Variants in EPHA6 observed in about 807,000 individuals in gnomAD.
EPHA6 encodes the protein EPH receptor A6, also known as ephrin type-A receptor 6.
A neutral mutation model predicts 112.0 loss-of-function variants in EPHA6; 50 were observed. The ratio of observed to expected loss-of-function variants is 0.45; its 90% CI spans 0.36 to 0.56. The LOEUF is 0.56. Ranked by LOEUF, EPHA6 falls within the 20% of genes least tolerant of loss-of-function variation. The probability of loss-of-function intolerance (pLI) is 0.00; values close to 1 mark genes in which losing one functional copy is unlikely to be tolerated. For missense variants in EPHA6, 1,280 were observed against 1,417.4 expected, an observed-to-expected ratio of 0.90 and a Z score of 1.56; for synonymous variants, 529 against 490.7, an observed-to-expected ratio of 1.08 and a Z score of -1.03.
At chr3:97,447,756 T>G in intron 6 of EPHA6, 1 of 1,013,502 alleles carries the variant, frequency 9.9e-7, no homozygotes, top group South Asian at 4.6e-5. Context: ...TTCCATTTAG[T>G]GAAGTGAGAT....
chr3:97,154,677 T>G (rs530929452), intron 3 of EPHA6, among the ~76,000 whole-genome samples: 1 of 152,188 alleles, frequency 6.6e-6, no homozygotes, highest in South Asian at 2.1e-4. Flanking sequence ...GCTATAACAT[T>G]TATAGTACAA....
At chr3:97,695,856 C>T (rs781252046) in intron 14 of EPHA6, among the ~76,000 whole-genome samples, 2 of 152,122 alleles carry the variant, frequency 1.3e-5, no homozygotes, top group South Asian at 2.1e-4. Flanking sequence ...CACTTTATAA[C>T]GATATGCATT....
intron 4 of EPHA6, among the ~76,000 whole-genome samples, chr3:97,239,609 CTATT>C (rs1265356925): frequency 7.2e-5 from 11 of 151,852 alleles, no homozygotes; most frequent in Admixed American, 7.2e-4. Flanking sequence ...AATGTATTCA[CTATT>C]TATTAAGTGA....
chr3:97,478,591 A>G (rs925245837), intron 8 of EPHA6, among the ~76,000 whole-genome samples: 1 of 143,026 alleles, frequency 7.0e-6, no homozygotes, highest in African/African-American at 2.9e-5. Flanking sequence ...TAAAATAGAA[A>G]AAAAAATATT....
At chr3:97,671,474 T>C (rs1259906290) in intron 14 of EPHA6, among the ~76,000 whole-genome samples, 1 of 152,152 alleles carries the variant, frequency 6.6e-6, no homozygotes, top group East Asian at 1.9e-4. Flanking sequence ...GTTGGGTCTT[T>C]TGTTTGGTTG....
chr3:97,568,092 G>T (rs1332642028), intron 11 of EPHA6, among the ~76,000 whole-genome samples: 3 of 152,194 alleles, frequency 2.0e-5, no homozygotes, highest in Non-Finnish European at 4.4e-5. Context: ...ACGTATCAAA[G>T]ACTTGCTGTA....
At chr3:97,049,237 C>T (rs1469590988) in intron 3 of EPHA6, among the ~76,000 whole-genome samples, 1 of 152,118 alleles carries the variant, frequency 6.6e-6, no homozygotes, top group Non-Finnish European at 1.5e-5. Flanking sequence ...GTGTTATGGT[C>T]TGACTTGTTT....
chr3:97,052,985 G>A (rs926254750), intron 3 of EPHA6, among the ~76,000 whole-genome samples: 2 of 151,966 alleles, frequency 1.3e-5, no homozygotes, highest in Admixed American at 6.6e-5. Context: ...CAAGAGGTGA[G>A]GTATATATAA....
chr3:97,586,822 A>G (rs2093493800), intron 11 of EPHA6, among the ~76,000 whole-genome samples: 1 of 152,224 alleles, frequency 6.6e-6, no homozygotes, highest in Non-Finnish European at 1.5e-5. Flanking sequence ...ATTAGGTTCA[A>G]TAGACTAGTT....
At chr3:96,850,159 G>A (rs1488755447) in intron 1 of EPHA6, among the ~76,000 whole-genome samples, 1 of 152,068 alleles carries the variant, frequency 6.6e-6, no homozygotes, top group Non-Finnish European at 1.5e-5. Flanking sequence ...AAGGAGCTGT[G>A]GTTTGGAGTG....
At chr3:97,282,378 G>A (rs1224333759) in intron 5 of EPHA6, among the ~76,000 whole-genome samples, 4 of 152,068 alleles carry the variant, frequency 2.6e-5, no homozygotes, top group African/African-American at 9.7e-5. Context: ...ATGCTTTTAC[G>A]CTGTTGGTGG....
At chr3:97,187,721 G>GA (rs1041992703) in intron 3 of EPHA6, among the ~76,000 whole-genome samples, 3 of 147,750 alleles carry the variant, frequency 2.0e-5, no homozygotes, top group East Asian at 2.0e-4. Flanking sequence ...AAGAAAGAAA[G>GA]AAAGAAAGAA....
rs78366919 is a variant in EPHA6, at chr3:96,847,407, A to C, written c.386-19418A>C. Among the ~76,000 whole-genome samples the C allele has an allele frequency of 8.6e-3, 1,305 of 152,174 alleles. 15 individuals carry two copies. Among genetic ancestry groups the C allele is most frequent in the African/African-American group, 0.03 (1,245 of 41,566 alleles). On this transcript the variant is annotated intron_variant, in intron 1 of 17. Transcript: ENST00000389672. ...CACGTTCATTTTTTTTTCTATTCCA[A>C]AATGGTAGGATGATCCAAAGAGAAC... is the stretch of plus-strand genomic sequence containing the variant.
intron 3 of EPHA6, among the ~76,000 whole-genome samples, chr3:97,099,025 A>G (rs909115711): frequency 6.6e-6 from 1 of 151,950 alleles, no homozygotes; most frequent in Non-Finnish European, 1.5e-5. Flanking sequence ...AGGCTGTATA[A>G]TAATAAAAAC....
intron 2 of EPHA6, among the ~76,000 whole-genome samples, chr3:96,937,578 T>G (rs1045265120): frequency 6.6e-6 from 1 of 152,206 alleles, no homozygotes; most frequent in African/African-American, 2.4e-5. Flanking sequence ...CTGATGGTAG[T>G]TTCTTTTGCT....
At chr3:96,915,182 A>C (rs552391551) in intron 2 of EPHA6, among the ~76,000 whole-genome samples, 115 of 152,018 alleles carry the variant, frequency 7.6e-4, no homozygotes, top group African/African-American at 2.5e-3. Flanking sequence ...GTAAATGGCA[A>C]AGAACATTTA....
At chr3:97,325,422 A>G (rs1026506031) in intron 5 of EPHA6, among the ~76,000 whole-genome samples, 1 of 151,934 alleles carries the variant, frequency 6.6e-6, no homozygotes, top group African/African-American at 2.4e-5. Flanking sequence ...GAAATGTCTT[A>G]TTTTTATAAG....
chr3:97,318,624 A>T (rs1279003560), intron 5 of EPHA6, among the ~76,000 whole-genome samples: 1 of 152,116 alleles, frequency 6.6e-6, no homozygotes, highest in African/African-American at 2.4e-5. Context: ...CAAAAATCTA[A>T]TTTAAAAGGA....
intron 5 of EPHA6, among the ~76,000 whole-genome samples, chr3:97,354,639 A>G (rs534856660): frequency 6.6e-6 from 1 of 152,246 alleles, no homozygotes; most frequent in Admixed American, 6.5e-5. Context: ...AAATCAAAGA[A>G]TTATTGGCCT....
Sources: allele counts gnomAD v4.1 joint callset (sites outside exome capture counted in the v4.1 genomes callset), GRCh38; gene constraint gnomAD v4.1.1; transcripts MANE v1.5; gene names NCBI Gene and HGNC (gene_info 2026-07-23, HGNC 2026-07-21).